KLHL29: variants seen among roughly 807,000 people sequenced by gnomAD.
The protein encoded by KLHL29 is kelch like family member 29.
A neutral mutation model predicts 80.4 loss-of-function variants in KLHL29; 21 were observed. The observed-to-expected ratio is 0.26, with a 90% CI of 0.19 to 0.38. The LOEUF is 0.38. KLHL29 is among the 10% of genes least tolerant of loss of function. KLHL29 has a pLI of 1.00. For missense variants in KLHL29, 867 were observed against 1,223.9 expected (o/e 0.71, Z 4.35); for synonymous variants, 511 against 526.8 (o/e 0.97, Z 0.41).
rs1235985609 is a variant in KLHL29, at chr2:23,446,224, G to A, written c.-153-29336G>A. The stretch of plus-strand genomic sequence containing the variant: ...TTGGAGTTTTTTTTTTTTTTCTGGT[G>A]AATGGTATGATAGGGATCCAGTTTT... On this transcript the variant is annotated intron_variant, in intron 1 of 13. Transcript: ENST00000486442. Among the ~76,000 whole-genome samples, 4 of 145,186 alleles carry A rather than the reference G, an allele frequency of 2.8e-5. No homozygotes were observed. In the Middle Eastern group the frequency reaches 0.011, roughly 403 times the overall value.
intron 1 of KLHL29, among the ~76,000 whole-genome samples, chr2:23,420,603 A>G (rs1662771893): frequency 6.6e-6 from 1 of 152,180 alleles, no homozygotes; most frequent in Non-Finnish European, 1.5e-5. Flanking sequence ...ATTTTCTGGC[A>G]AGAAATTCCA....
rs367854142 is a variant in KLHL29 at position 23,633,064 on chromosome 2, C to G, written c.286-6075C>G. Among the ~76,000 whole-genome samples, 7 of 152,330 alleles carry G rather than the reference C, an allele frequency of 4.6e-5. No individual in the cohort carries two copies. The South Asian group carries it at 1.0e-3, about 23-fold the overall frequency. On this transcript the variant is annotated intron_variant, in intron 3 of 13. Transcript: ENST00000486442. Reference sequence around the variant, plus strand: ...CCTTGCCAGAAGGAGCCATCAGAACCCAGGGCCAGGCAGGTGGGATGGGCA... The same window carrying G: ...CCTTGCCAGAAGGAGCCATCAGAACGCAGGGCCAGGCAGGTGGGATGGGCA...
At chr2:23,389,664 G>A (rs945043811) in intron 1 of KLHL29, among the ~76,000 whole-genome samples, 15 of 151,768 alleles carry the variant, frequency 9.9e-5, no homozygotes, top group Non-Finnish European at 2.2e-4. Flanking sequence ...CACTGTACTG[G>A]GCAACAGAGC....
intron 3 of KLHL29, among the ~76,000 whole-genome samples, chr2:23,625,872 C>G (rs1669296404): frequency 6.6e-6 from 1 of 152,166 alleles, no homozygotes; most frequent in South Asian, 2.1e-4. Flanking sequence ...ACAAGAGACA[C>G]CAGAGCTCAC....
chr2:23,446,405 A>G (rs748486092), intron 1 of KLHL29, among the ~76,000 whole-genome samples: 2 of 152,170 alleles, frequency 1.3e-5, no homozygotes, highest in African/African-American at 2.4e-5. Context: ...GACCCAGGAC[A>G]GTGTGCCTCT....
chr2:23,607,368 C>A (rs1048968375), intron 3 of KLHL29, among the ~76,000 whole-genome samples: 1 of 152,142 alleles, frequency 6.6e-6, no homozygotes, highest in Non-Finnish European at 1.5e-5. Context: ...TCCCACTGCC[C>A]CAAGCTGGGA....
chr2:23,458,903 C>T lies in KLHL29; in HGVS notation c.-153-16657C>T, dbSNP rs564454333. ...ATCTGAGTCTAATGGTGAAGGCTAACGCAGAGGAGAAACAGGATCGGATTT... is the reference window on the plus strand; with the variant it reads ...ATCTGAGTCTAATGGTGAAGGCTAATGCAGAGGAGAAACAGGATCGGATTT... On this transcript the variant is annotated intron_variant, in intron 1 of 13. Coordinates refer to ENST00000486442, the MANE Select transcript of KLHL29 (RefSeq NM_052920.2). 3.0e-4 allele frequency among the ~76,000 whole-genome samples: 45 copies of T among 152,280 alleles called. 1 individual carries two copies. The highest frequency in any genetic ancestry group is 9.9e-4 in the African/African-American group (41 of 41,558).
intron 3 of KLHL29, among the ~76,000 whole-genome samples, chr2:23,603,299 G>A (rs1313367831): frequency 2.6e-5 from 4 of 152,146 alleles, no homozygotes; most frequent in African/African-American, 4.8e-5. Context: ...TTCATCCCAC[G>A]TGGCTGGATC....
chr2:23,694,963 G>A (rs531319671), intron 8 of KLHL29, among the ~76,000 whole-genome samples: 1 of 152,284 alleles, frequency 6.6e-6, no homozygotes, highest in Non-Finnish European at 1.5e-5. Context: ...CCCCAGTGAT[G>A]AGCGTCATGC....
chr2:23,642,141 G>A (rs555927258), intron 4 of KLHL29, among the ~76,000 whole-genome samples, 197 bp from the exon 5 acceptor site: 2 of 152,188 alleles, frequency 1.3e-5, no homozygotes, highest in Admixed American at 6.5e-5. Context: ...TCTGAGCCCC[G>A]ATGGCTGTTT....
At position 23,446,049 on chromosome 2, in the gene KLHL29, A is replaced by G. The variant is rs958450542; in HGVS notation, c.-153-29511A>G. ...TCATTTTTTAACTTATATTTTTGCA[A>G]TGCATTTATTTTATTTTTATTTTAT... On this transcript the variant is annotated intron_variant, in intron 1 of 13. Transcript: ENST00000486442. Among the ~76,000 whole-genome samples the G allele has an allele frequency of 3.9e-5, 6 of 152,046 alleles. No homozygotes were observed. In the East Asian group the frequency reaches 1.2e-3, roughly 29 times the overall value.
chr2:23,457,172 C>G lies in KLHL29; in HGVS notation c.-153-18388C>G, dbSNP rs1240326072. 2.0e-5 allele frequency among the ~76,000 whole-genome samples: 3 copies of G among 152,206 alleles called. No individual in the cohort carries two copies. The highest frequency in any genetic ancestry group is 7.2e-5 in the African/African-American group (3 of 41,444). ...AGGAACAGGAGGAGGTTAAAGCAAT[C>G]CGTGCCCTGAGTGAGCGCAGGGTGC... On this transcript the variant is annotated intron_variant, in intron 1 of 13. Coordinates refer to ENST00000486442, the MANE Select transcript of KLHL29 (RefSeq NM_052920.2). This position sits in a 1 kb window ranked among gnomAD's most constrained non-coding sequence, Gnocchi z 4.3.
rs536969783 is a variant in KLHL29, at chr2:23,606,947, C to G, written c.286-32192C>G. ...GATCAAGGCACCGGCCAATGTGGTG[C>G]CTGGTAAGGGTTGGGCCTGGCTCAT... On this transcript the variant is annotated intron_variant, in intron 3 of 13. Coordinates refer to ENST00000486442, the MANE Select transcript of KLHL29 (RefSeq NM_052920.2). Among the ~76,000 whole-genome samples, 9 of 152,326 alleles carry G rather than the reference C, an allele frequency of 5.9e-5. No individual in the cohort carries two copies. The South Asian group carries it at 8.3e-4, about 14-fold the overall frequency.
intron 2 of KLHL29, among the ~76,000 whole-genome samples, chr2:23,555,669 C>T (rs570186289): frequency 6.6e-6 from 1 of 152,334 alleles, no homozygotes; most frequent in East Asian, 1.9e-4. Context: ...GGTGAGTCAG[C>T]AGGTGAGCCC....
chr2:23,414,265 G>A (rs995805653), intron 1 of KLHL29, among the ~76,000 whole-genome samples: 2 of 152,196 alleles, frequency 1.3e-5, no homozygotes, highest in Non-Finnish European at 2.9e-5. Context: ...AGCTGGGGCC[G>A]GCCCCCTGCA....
In KLHL29 at chr2:23,524,233, A is replaced by T. The variant is rs539868753; in HGVS notation, c.-45-37919A>T. On this transcript the variant is annotated intron_variant, in intron 2 of 13. Coordinates refer to ENST00000486442, the MANE Select transcript of KLHL29 (RefSeq NM_052920.2). ...CCCAGGCCCAAGTGCCCGGCTCCTC[A>T]TCCACATCTCTTTCTATTACACCAA... 54 of 304,718 alleles carry T rather than the reference A, an allele frequency of 1.8e-4. 2 individuals are homozygous for T. Among genetic ancestry groups the T allele is most frequent in the South Asian group, 1.5e-3 (53 of 35,338 alleles). The allele number at this position is 304,718 out of a possible 1,614,324, so 18.9% of individuals were successfully genotyped here. A position where few individuals can be genotyped will look rare whatever the true frequency, so the allele number is the denominator to read the frequency against.
chr2:23,698,528 G>C (rs1672135824), intron 11 of KLHL29, among the ~76,000 whole-genome samples: 1 of 151,680 alleles, frequency 6.6e-6, no homozygotes, highest in Non-Finnish European at 1.5e-5. Context: ...GGTACAAATG[G>C]CTATTATATT....
intron 2 of KLHL29, among the ~76,000 whole-genome samples, chr2:23,516,591 G>C (rs6747761): frequency 0.16 from 24,322 of 152,230 alleles, 2,682 homozygotes; most frequent in East Asian, 0.56. Flanking sequence ...GGTCTAGCCA[G>C]GTAGCCCCAT....
chr2:23,577,117 T>C (rs1489245503), intron 3 of KLHL29, among the ~76,000 whole-genome samples: 1 of 152,216 alleles, frequency 6.6e-6, no homozygotes, highest in Admixed American at 6.5e-5. Flanking sequence ...GCAGTGCGTC[T>C]TCTTTAGTTC....
Sources: allele counts gnomAD v4.1 joint callset (sites outside exome capture counted in the v4.1 genomes callset), GRCh38; gene constraint gnomAD v4.1.1; non-coding constraint Gnocchi (gnomAD v3.1); transcripts MANE v1.5; gene names NCBI Gene and HGNC (gene_info 2026-07-23, HGNC 2026-07-21).